The following PPM1L variants were observed in gnomAD, a reference collection of about 807,000 sequenced individuals.
The protein encoded by PPM1L is protein phosphatase, Mg2+/Mn2+ dependent 1L.
Under a neutral mutation model 31.4 loss-of-function variants are expected in PPM1L, and 13 were observed. The observed-to-expected ratio is 0.41, with a 90% confidence interval of 0.27 to 0.66. The LOEUF (loss-of-function observed/expected upper bound fraction) is 0.66. Among genes scored for constraint, PPM1L ranks in the 30% least tolerant of loss-of-function variants. The probability of loss-of-function intolerance (pLI) is 0.29; values close to 1 mark genes in which losing one functional copy is unlikely to be tolerated. For synonymous variants in PPM1L, 184 were observed against 175.4 expected (o/e 1.05, Z -0.39); for missense variants, 326 against 453.7 (o/e 0.72, Z 2.56).
Position 161,000,273 on chromosome 3 carries a change from G to T in PPM1L, c.574+38363G>T, listed in dbSNP as rs1717442174. Among the ~76,000 whole-genome samples the T allele has an allele frequency of 9.2e-5, 14 of 152,258 alleles. No homozygotes were observed. In the South Asian group the frequency reaches 2.9e-3, roughly 32 times the overall value. On this transcript the variant is annotated intron_variant, in intron 2 of 3. Coordinates refer to ENST00000498165, the MANE Select transcript of PPM1L (RefSeq NM_139245.4). ...TACAGACACTCATATTGTCTATAAA[G>T]AATTCGAAGTGGAAGCTGTAATTCA...
intron 2 of PPM1L, among the ~76,000 whole-genome samples, chr3:161,006,377 G>C (rs1175666185): frequency 6.6e-6 from 1 of 152,180 alleles, no homozygotes; most frequent in African/African-American, 2.4e-5. Context: ...GTTGTTGTTT[G>C]ATGGGGATAG....
At position 161,038,194 on chromosome 3, in the gene PPM1L, G is replaced by A. The variant is rs370294286; in HGVS notation, c.575-27209G>A. Among the ~76,000 whole-genome samples, 16 of 140,026 alleles carry A rather than the reference G, an allele frequency of 1.1e-4. No individual in the cohort carries two copies. In the East Asian group the frequency reaches 1.3e-3, roughly 11 times the overall value. The allele number at this position is 140,026 out of a possible 152,430, so 91.9% of individuals were successfully genotyped here. ...GCTTGCAGTGAGCCGAGATCCCGCC[G>A]CTGCACTCCAGCCTGGGCGACAGAG... On this transcript the variant is annotated intron_variant, in intron 2 of 3. Coordinates refer to ENST00000498165, the MANE Select transcript of PPM1L (RefSeq NM_139245.4).
intron 2 of PPM1L, among the ~76,000 whole-genome samples, chr3:161,015,994 C>T (rs1718076944): frequency 1.3e-5 from 2 of 152,068 alleles, no homozygotes; most frequent in South Asian, 2.1e-4. Flanking sequence ...GAGATGTGGC[C>T]TGGGTGTTCC....
intron 2 of PPM1L, among the ~76,000 whole-genome samples, chr3:161,046,716 C>T (rs1719092826): frequency 6.6e-6 from 1 of 152,162 alleles, no homozygotes; most frequent in Non-Finnish European, 1.5e-5. Context: ...CCGAATCCAG[C>T]AGCACATCAA....
intron 1 of PPM1L, among the ~76,000 whole-genome samples, chr3:160,911,382 A>T (rs371379362): frequency 2.0e-5 from 3 of 152,316 alleles, no homozygotes; most frequent in African/African-American, 7.2e-5. Flanking sequence ...TAGCACTGCC[A>T]TAGGTTCTGC....
At chr3:160,836,310 G>T (rs914213224) in intron 1 of PPM1L, among the ~76,000 whole-genome samples, 1 of 150,492 alleles carries the variant, frequency 6.6e-6, no homozygotes, top group Non-Finnish European at 1.5e-5. Context: ...TCTTTGGAAG[G>T]AAAGGAAGAG....
chr3:160,970,445 AT>A (rs1716290947), intron 2 of PPM1L, among the ~76,000 whole-genome samples: 2 of 33,462 alleles, frequency 6.0e-5, no homozygotes, highest in Non-Finnish European at 1.3e-4. Flanking sequence ...ACCAAGCTGA[AT>A]ATTTTTTTTT....
intron 2 of PPM1L, 134 bp from the exon 3 acceptor site, chr3:161,065,269 C>T: frequency 1.3e-6 from 1 of 762,158 alleles, no homozygotes; most frequent in South Asian, 1.7e-5. Context: ...AGCCATCATT[C>T]TCAGAGTGGC....
At chr3:160,837,379 T>G (rs1386549503) in intron 1 of PPM1L, among the ~76,000 whole-genome samples, 1 of 152,186 alleles carries the variant, frequency 6.6e-6, no homozygotes, top group Non-Finnish European at 1.5e-5. Flanking sequence ...TAAATTAGAA[T>G]GGAAACATGA....
intron 2 of PPM1L, among the ~76,000 whole-genome samples, chr3:160,976,680 C>A (rs908443903): frequency 4.6e-5 from 7 of 152,258 alleles, no homozygotes; most frequent in Non-Finnish European, 1.0e-4. Context: ...TTGTAGTATT[C>A]TCTGATGGTA....
At chr3:161,030,866 C>T (rs907905325) in intron 2 of PPM1L, among the ~76,000 whole-genome samples, 6 of 152,220 alleles carry the variant, frequency 3.9e-5, no homozygotes, top group Admixed American at 2.6e-4. Flanking sequence ...AGGAAAGCTT[C>T]CAGAAGTTCT....
chr3:160,983,660 G>A (rs906551720), intron 2 of PPM1L, among the ~76,000 whole-genome samples: 7 of 152,128 alleles, frequency 4.6e-5, no homozygotes, highest in African/African-American at 4.8e-5. Flanking sequence ...GTGGGTTGGC[G>A]ATCAGTGCAT....
intron 1 of PPM1L, among the ~76,000 whole-genome samples, chr3:160,843,058 T>C (rs932420465): frequency 2.6e-5 from 4 of 152,152 alleles, no homozygotes; most frequent in African/African-American, 4.8e-5. Context: ...GTTACACTTA[T>C]AAAGGAATGT....
At chr3:160,973,569 T>C (rs984946441) in intron 2 of PPM1L, among the ~76,000 whole-genome samples, 7 of 152,180 alleles carry the variant, frequency 4.6e-5, no homozygotes, top group Admixed American at 6.5e-5. Context: ...GGATTTCTAA[T>C]GTATTGTGAT....
At chr3:160,978,572 G>T (rs1309176474) in intron 2 of PPM1L, among the ~76,000 whole-genome samples, 2 of 152,200 alleles carry the variant, frequency 1.3e-5, no homozygotes, top group South Asian at 4.1e-4. Context: ...GCTCATGCCT[G>T]TACTACCAAC....
chr3:160,935,976 C>T (rs943367894), intron 1 of PPM1L, among the ~76,000 whole-genome samples: 2 of 152,106 alleles, frequency 1.3e-5, no homozygotes, highest in Admixed American at 6.5e-5. Context: ...TCTGGAGATT[C>T]GGCAATAAAC....
chr3:160,956,745 A>G (rs7613316), intron 1 of PPM1L, among the ~76,000 whole-genome samples: 65,484 of 152,146 alleles, frequency 0.43, 14,817 homozygotes, highest in East Asian at 0.73. Context: ...AGAAAATTAA[A>G]GACCAAGAAT....
At chr3:160,942,092 T>C (rs1043198253) in intron 1 of PPM1L, among the ~76,000 whole-genome samples, 2 of 152,194 alleles carry the variant, frequency 1.3e-5, no homozygotes, top group Non-Finnish European at 2.9e-5. Flanking sequence ...GGGTGCCATC[T>C]GGTGGAGGAA....
intron 1 of PPM1L, among the ~76,000 whole-genome samples, chr3:160,854,153 G>A (rs1203911874): frequency 1.3e-5 from 2 of 152,128 alleles, no homozygotes; most frequent in Non-Finnish European, 2.9e-5. Context: ...AATTACTTAG[G>A]TACTTTGACC....
Sources: gnomAD v4.1 joint callset for allele counts (sites outside exome capture counted in the v4.1 genomes callset) on GRCh38, gnomAD v4.1.1 for gene constraint, MANE v1.5 for transcripts, NCBI Gene and HGNC (gene_info 2026-07-23, HGNC 2026-07-21) for gene names.